Variants in MTMR6 observed in about 807,000 individuals in gnomAD.
MTMR6 encodes the protein phosphatidylinositol-3,5-bisphosphate 3-phosphatase MTMR6.
A neutral mutation model predicts 80.1 loss-of-function variants in MTMR6; 47 were observed. The ratio of observed to expected loss-of-function variants is 0.59; its 90% confidence interval spans 0.46 to 0.75. The LOEUF (loss-of-function observed/expected upper bound fraction) is 0.75. MTMR6 is among the 30% of genes least tolerant of loss of function. The probability of loss-of-function intolerance (pLI) is 0.00; values close to 1 mark genes in which losing one functional copy is unlikely to be tolerated. For synonymous variants in MTMR6, 254 were observed against 253.0 expected (o/e 1.00, Z -0.04); for missense variants, 629 against 730.9 (o/e 0.86, Z 1.61).
chr13:25,265,395 G>A (rs1043009138), intron 5 of MTMR6, among the ~76,000 whole-genome samples: 2 of 152,128 alleles, frequency 1.3e-5, no homozygotes, highest in Non-Finnish European at 2.9e-5. Context: ...TTGCAAAAAC[G>A]TAATTAAACA....
At chr13:25,266,049 C>T (rs1285201539) in intron 4 of MTMR6, 80 bp downstream of exon 4, 1 of 1,592,590 alleles carries the variant, frequency 6.3e-7, no homozygotes, top group Non-Finnish European at 8.6e-7. Context: ...TTTCAGTACA[C>T]AGACAACTTG....
In MTMR6 at chr13:25,287,482, C is replaced by A; in HGVS notation, c.-235G>T. On this transcript the variant is annotated 5_prime_UTR_variant, in exon 1 of 14. Transcript: ENST00000381801. ...GGGGACTCGGGGCAGGCAGACAGAG[C>A]GTGTGTGGACCGAGAGCGGCTTGCT... The A allele has an allele frequency of 1.8e-6, 1 of 566,950 alleles. No individual in the cohort carries two copies. The highest frequency in any genetic ancestry group is 3.0e-5 in the East Asian group (1 of 33,144). The allele number at this position is 566,950 out of a possible 1,614,324, so 35.1% of individuals were successfully genotyped here.
chr13:25,254,268 C>G, intron 10 of MTMR6, 117 bp downstream of exon 10: 1 of 781,136 alleles, frequency 1.3e-6, no homozygotes, highest in Non-Finnish European at 2.2e-6. Context: ...ACAGTAAAAA[C>G]CATGACACTC....
chr13:25,281,854 T>C (rs923519620), intron 1 of MTMR6, among the ~76,000 whole-genome samples: 2 of 152,196 alleles, frequency 1.3e-5, no homozygotes, highest in African/African-American at 2.4e-5. Context: ...TCTGGCTGCA[T>C]AAATTATCAA....
intron 1 of MTMR6, among the ~76,000 whole-genome samples, chr13:25,282,030 C>T (rs931308576): frequency 1.3e-5 from 2 of 152,104 alleles, no homozygotes; most frequent in African/African-American, 2.4e-5. Context: ...GTAACTTGCC[C>T]CTGTCCCCCA....
intron 9 of MTMR6, among the ~76,000 whole-genome samples, 180 bp downstream of exon 9, chr13:25,257,016 C>G (rs544404783): frequency 6.6e-6 from 1 of 152,262 alleles, no homozygotes; most frequent in South Asian, 2.1e-4. Flanking sequence ...GCTGACCCCC[C>G]AGCAAAAATT....
At chr13:25,257,059 C>A in intron 9 of MTMR6, 137 bp downstream of exon 9, 1 of 955,230 alleles carries the variant, frequency 1.0e-6, no homozygotes, top group Non-Finnish European at 1.5e-6. Flanking sequence ...TTAGCAATAT[C>A]CCTGGCCACT....
intron 2 of MTMR6, 55 bp downstream of exon 2, chr13:25,274,016 G>A: frequency 1.7e-6 from 2 of 1,191,082 alleles, no homozygotes; most frequent in Non-Finnish European, 2.4e-6. Flanking sequence ...AATAAAACAT[G>A]ACAGACCAAG....
chr13:25,285,372 A>AT (rs1482196232), intron 1 of MTMR6, among the ~76,000 whole-genome samples: 2 of 136,402 alleles, frequency 1.5e-5, no homozygotes, highest in African/African-American at 6.0e-5. Flanking sequence ...ACTTTTACTG[A>AT]TTTTTTATTC....
chr13:25,268,569 T>G (rs976022450), intron 2 of MTMR6, among the ~76,000 whole-genome samples: 1 of 152,202 alleles, frequency 6.6e-6, no homozygotes, highest in East Asian at 1.9e-4. Context: ...AAACTCATAA[T>G]AACACCAAAA....
At chr13:25,277,351 C>A (rs1433672868) in intron 1 of MTMR6, among the ~76,000 whole-genome samples, 1 of 152,194 alleles carries the variant, frequency 6.6e-6, no homozygotes, top group Non-Finnish European at 1.5e-5. Context: ...TCTGTCTTTT[C>A]CACTAAAGAC....
intron 9 of MTMR6, among the ~76,000 whole-genome samples, chr13:25,256,015 T>C (rs937080503): frequency 1.3e-5 from 2 of 152,252 alleles, no homozygotes; most frequent in African/African-American, 2.4e-5. Context: ...AAAGCACATC[T>C]AATCAAGTTA....
In MTMR6 at chr13:25,262,820, G is replaced by A. The variant is rs528967435; in HGVS notation, c.592-1018C>T. On this transcript the variant is annotated intron_variant, in intron 5 of 13. Coordinates refer to ENST00000381801, the MANE Select transcript of MTMR6 (RefSeq NM_004685.5). ...AAAATATGATAAAACAGTAGAAAAT[G>A]AACATTGCCTTATTAAATTCTTTTC... Among the ~76,000 whole-genome samples the A allele has an allele frequency of 1.2e-4, 18 of 152,268 alleles. No individual in the cohort carries two copies. In the South Asian group the frequency reaches 3.5e-3, roughly 30 times the overall value.
intron 2 of MTMR6, among the ~76,000 whole-genome samples, chr13:25,269,508 T>C (rs985619341): frequency 8.5e-5 from 13 of 152,138 alleles, no homozygotes; most frequent in Non-Finnish European, 2.9e-5. Context: ...ATAGAAAACT[T>C]TTCTGGAGAA....
intron 1 of MTMR6, among the ~76,000 whole-genome samples, chr13:25,277,529 T>A (rs573296672): frequency 1.2e-4 from 18 of 152,350 alleles, no homozygotes; most frequent in Non-Finnish European, 2.1e-4. Context: ...CAGTGATCCC[T>A]TTTGTTGAAA....
intron 3 of MTMR6, among the ~76,000 whole-genome samples, 193 bp from the exon 4 acceptor site, chr13:25,266,479 G>A (rs1957456100): frequency 6.6e-6 from 1 of 152,126 alleles, no homozygotes; most frequent in Non-Finnish European, 1.5e-5. Context: ...ATCTGAGATT[G>A]GATTTGTCAT....
Position 25,287,249 on chromosome 13 carries a change from G to A in MTMR6, c.-2C>T. On this transcript the variant is annotated 5_prime_UTR_variant, in exon 1 of 14. Transcript: ENST00000381801. ...CTTGGTCGTCCGGATATGCTCCATCGCAAGGAGACGTCAGCCGGCAGCCGG... is the reference window on the plus strand; with the variant it reads ...CTTGGTCGTCCGGATATGCTCCATCACAAGGAGACGTCAGCCGGCAGCCGG... 6.3e-7 allele frequency: 1 copy of A among 1,593,964 alleles called. No homozygotes were observed. The highest frequency in any genetic ancestry group is 8.5e-7 in the Non-Finnish European group (1 of 1,173,018).
In MTMR6 at chr13:25,249,328, C is replaced by T. The variant is rs201224288; in HGVS notation, c.1770G>A (p.Pro590=). 19 of 1,613,934 alleles carry T rather than the reference C, an allele frequency of 1.2e-5. No homozygotes were observed. The highest frequency in any genetic ancestry group is 4.4e-5 in the South Asian group (4 of 91,070). The stretch of plus-strand genomic sequence containing the variant: ...CATATTCACTATAACGATTATCTGC[C>T]GGGCTGCTGCCCTCTATAGTTCGAA... ...DALRTIEGSS[P]ADNRYSEYAE... The change falls in exon 14 of 14, where the codon CCG becomes CCA. Residue 590 remains proline (P), a synonymous_variant. Transcript: ENST00000381801.
chr13:25,265,394 C>T (rs1389534395), intron 5 of MTMR6, among the ~76,000 whole-genome samples: 5 of 152,062 alleles, frequency 3.3e-5, no homozygotes, highest in African/African-American at 7.2e-5. Context: ...TTTGCAAAAA[C>T]GTAATTAAAC....
Sources: gnomAD v4.1 joint callset for allele counts (sites outside exome capture counted in the v4.1 genomes callset) on GRCh38, gnomAD v4.1.1 for gene constraint, MANE v1.5 for transcripts, NCBI Gene and HGNC (gene_info 2026-07-23, HGNC 2026-07-21) for gene names.